The following TWIST2 variants were observed in gnomAD, a reference collection of about 807,000 sequenced individuals.
The protein encoded by TWIST2 is twist family bHLH transcription factor 2.
TWIST2 carries 1 observed loss-of-function variant against 11.6 expected under a neutral mutation model. The observed-to-expected ratio is 0.09, with a 90% CI of 0.03 to 0.41. The LOEUF (loss-of-function observed/expected upper bound fraction) is 0.41, where lower values mean the gene tolerates loss of function less well. Among genes scored for constraint, TWIST2 ranks in the 10% least tolerant of loss-of-function variants. The pLI is 0.98. For synonymous variants in TWIST2, 87 were observed against 96.6 expected, an observed-to-expected ratio of 0.90 and a Z score of 0.58; for missense variants, 168 against 226.4, an observed-to-expected ratio of 0.74 and a Z score of 1.66.
intron 1 of TWIST2, among the ~76,000 whole-genome samples, chr2:238,882,397 A>T (rs1335921623): frequency 1.3e-5 from 2 of 152,204 alleles, no homozygotes; most frequent in Non-Finnish European, 1.5e-5. Flanking sequence ...ACAGATCAGT[A>T]CTTTTTTCCA....
In TWIST2 at chr2:238,864,807, A is replaced by T. The variant is rs1267020320; in HGVS notation, c.*35+16074A>T. 6.6e-6 allele frequency among the ~76,000 whole-genome samples: 1 copy of T among 151,812 alleles called. No homozygotes were observed. The highest frequency in any genetic ancestry group is 1.5e-5 in the Non-Finnish European group (1 of 67,964). On this transcript the variant is annotated intron_variant, in intron 1 of 1. Coordinates refer to ENST00000612363, the MANE Select transcript of TWIST2 (RefSeq NM_001271893.4). This position sits in a 1 kb window ranked among gnomAD's most constrained non-coding sequence, Gnocchi z 4.7. The stretch of plus-strand genomic sequence containing the variant: ...ACCTGTGGGGCTGTCCCCTTCTCTG[A>T]GCATCTGTGAGGGGTTTTCCTCTCC...
rs531106579 is a variant in TWIST2, at chr2:238,870,108, A to G, written c.*35+21375A>G. Reference sequence around the variant, plus strand: ...ACGACAAAACGTGGTGTGTACACAGACACACCATACACCCCCCACACACAC... The same window carrying G: ...ACGACAAAACGTGGTGTGTACACAGGCACACCATACACCCCCCACACACAC... On this transcript the variant is annotated intron_variant, in intron 1 of 1. Coordinates refer to ENST00000612363, the MANE Select transcript of TWIST2 (RefSeq NM_001271893.4). 8.7e-4 allele frequency among the ~76,000 whole-genome samples: 83 copies of G among 95,346 alleles called. 1 individual carries two copies. The highest frequency in any genetic ancestry group is 5.0e-3 in the Middle Eastern group (1 of 202). 62.6% of individuals were successfully genotyped at this position (95,346 alleles called of 152,430 possible).
chr2:238,855,810 A>T (rs1220083561), intron 1 of TWIST2, among the ~76,000 whole-genome samples: 1 of 152,184 alleles, frequency 6.6e-6, no homozygotes, highest in Non-Finnish European at 1.5e-5. Context: ...CTCTGAGCAA[A>T]GGTCATCTAG....
chr2:238,871,560 CCA>C (rs1257659494), intron 1 of TWIST2, among the ~76,000 whole-genome samples: 1 of 122,114 alleles, frequency 8.2e-6, no homozygotes, highest in Non-Finnish European at 1.7e-5. Context: ...CTCCCACACA[CCA>C]CACACACACC....
rs1692554610 is a variant in TWIST2 at position 238,867,154 on chromosome 2, A to G, written c.*35+18421A>G. Among the ~76,000 whole-genome samples the G allele has an allele frequency of 6.6e-6, 1 of 152,062 alleles. No individual in the cohort carries two copies. The highest frequency in any genetic ancestry group is 2.1e-4 in the South Asian group (1 of 4,818). On this transcript the variant is annotated intron_variant, in intron 1 of 1. Coordinates refer to ENST00000612363, the MANE Select transcript of TWIST2 (RefSeq NM_001271893.4). The surrounding 1 kb of genome is among the most constrained non-coding windows in gnomAD (Gnocchi z 4.8). ...GGCCTTTTCCGTCCTCGAAGCCAGC[A>G]GCTGGAGGGAAGGAGGCTGGCTGTA...
chr2:238,874,654 G>A (rs560208995), intron 1 of TWIST2, among the ~76,000 whole-genome samples: 1 of 152,186 alleles, frequency 6.6e-6, no homozygotes, highest in African/African-American at 2.4e-5. Context: ...GAAAAGGCCT[G>A]GAGGAGTTTC....
intron 1 of TWIST2, among the ~76,000 whole-genome samples, chr2:238,851,775 A>G (rs1692246236): frequency 2.0e-5 from 3 of 152,152 alleles, no homozygotes; most frequent in South Asian, 2.1e-4. Flanking sequence ...TTGCTTGCCT[A>G]GAAGAAGTAG....
chr2:238,881,867 G>T (rs1346126462), intron 1 of TWIST2, among the ~76,000 whole-genome samples: 3 of 152,122 alleles, frequency 2.0e-5, no homozygotes, highest in Non-Finnish European at 2.9e-5. Context: ...GGAGGAGAAG[G>T]TGCCACCTGC....
chr2:238,904,477 G>A (rs1467378139), intron 1 of TWIST2, among the ~76,000 whole-genome samples: 1 of 151,652 alleles, frequency 6.6e-6, no homozygotes, highest in Non-Finnish European at 1.5e-5. Flanking sequence ...GTGTGTCTGT[G>A]TGCGTGTTCG....
chr2:238,907,563 G>A (rs1158264582), intron 1 of TWIST2, among the ~76,000 whole-genome samples: 1 of 152,114 alleles, frequency 6.6e-6, no homozygotes, highest in East Asian at 1.9e-4. Context: ...CCACAAGTGC[G>A]CTTAGAAGTC....
chr2:238,870,636 C>A (rs1484592311), intron 1 of TWIST2, among the ~76,000 whole-genome samples: 8 of 67,126 alleles, frequency 1.2e-4, no homozygotes, highest in Admixed American at 1.3e-4. Context: ...CCACACCCCC[C>A]CACACACACA....
intron 1 of TWIST2, among the ~76,000 whole-genome samples, chr2:238,904,691 C>A (rs1287152720): frequency 6.6e-6 from 1 of 152,034 alleles, no homozygotes; most frequent in African/African-American, 2.4e-5. Context: ...TGCTAGATTT[C>A]TCTGATCCAT....
intron 1 of TWIST2, among the ~76,000 whole-genome samples, chr2:238,886,342 CTGTT>C (rs928517222): frequency 7.3e-5 from 11 of 151,556 alleles, no homozygotes; most frequent in South Asian, 2.1e-4. Flanking sequence ...TGAGGGTAGA[CTGTT>C]TGGGGAAAAA....
At chr2:238,880,140 A>AGTGTGTTAGTATTTATTGGTATTG in intron 1 of TWIST2, among the ~76,000 whole-genome samples, 1 of 151,646 alleles carries the variant, frequency 6.6e-6, no homozygotes, top group Admixed American at 6.6e-5. Flanking sequence ...TTAGTGTGTT[A>AGTGTGTTAGTATTTATTGGTATTG]GTGTTAGTGT....
chr2:238,888,079 TACAAATC>T (rs1454445592), intron 1 of TWIST2, among the ~76,000 whole-genome samples: 2 of 152,244 alleles, frequency 1.3e-5, no homozygotes, highest in East Asian at 3.8e-4. Flanking sequence ...TCAAGTTTTT[TACAAATC>T]ACAAAATGTT....
At chr2:238,891,184 C>T (rs772727738) in intron 1 of TWIST2, among the ~76,000 whole-genome samples, 1 of 152,220 alleles carries the variant, frequency 6.6e-6, no homozygotes, top group Non-Finnish European at 1.5e-5. Flanking sequence ...CAGGAGATCT[C>T]GAACACGTTT....
At chr2:238,886,871 C>G (rs192340317) in intron 1 of TWIST2, 1 of 152,112 alleles carries the variant, frequency 6.6e-6, no homozygotes, top group Admixed American at 6.5e-5. Context: ...AGACAGCCCA[C>G]GAAACGTTGG....
chr2:238,892,079 T>C (rs997678746), intron 1 of TWIST2, among the ~76,000 whole-genome samples: 1 of 152,126 alleles, frequency 6.6e-6, no homozygotes, highest in Non-Finnish European at 1.5e-5. Context: ...GTGTGTGGAC[T>C]GGAACCCGCC....
At chr2:238,906,940 G>T (rs1478508289) in intron 1 of TWIST2, among the ~76,000 whole-genome samples, 1 of 152,228 alleles carries the variant, frequency 6.6e-6, no homozygotes, top group African/African-American at 2.4e-5. Flanking sequence ...CTCACCTCCC[G>T]CGAGCTCTGC....
Sources: allele counts gnomAD v4.1 joint callset (sites outside exome capture counted in the v4.1 genomes callset), GRCh38; gene constraint gnomAD v4.1.1; non-coding constraint Gnocchi (gnomAD v3.1); transcripts MANE v1.5; gene names NCBI Gene and HGNC (gene_info 2026-07-23, HGNC 2026-07-21).